Variants in PPFIA2 observed in about 807,000 individuals in gnomAD.
PPFIA2 encodes the protein liprin-alpha-2.
PPFIA2 carries 46 observed loss-of-function variants against 175.5 expected under a neutral mutation model. The ratio of observed to expected loss-of-function variants is 0.26; its 90% confidence interval spans 0.21 to 0.34. The LOEUF (loss-of-function observed/expected upper bound fraction) is 0.34, where lower values mean the gene tolerates loss of function less well. Among genes scored for constraint, PPFIA2 ranks in the 10% least tolerant of loss-of-function variants. The pLI is 1.00. For synonymous variants in PPFIA2, 568 were observed against 511.4 expected, an observed-to-expected ratio of 1.11 and a Z score of -1.49; for missense variants, 1,179 against 1,506.1, an observed-to-expected ratio of 0.78 and a Z score of 3.60.
At chr12:81,723,074 G>T (rs1183018467) in intron 3 of PPFIA2, among the ~76,000 whole-genome samples, 2 of 150,914 alleles carry the variant, frequency 1.3e-5, no homozygotes, top group African/African-American at 2.4e-5. Context: ...AAGTCTAAAG[G>T]CACAAGTGCA....
chr12:81,310,915 G>A (rs2050610301), intron 22 of PPFIA2, among the ~76,000 whole-genome samples: 1 of 152,072 alleles, frequency 6.6e-6, no homozygotes, highest in African/African-American at 2.4e-5. Flanking sequence ...ACAAGAATTT[G>A]TACTGGCATA....
intron 23 of PPFIA2, 25 bp from the exon 24 acceptor site, chr12:81,295,060 A>T: frequency 6.3e-7 from 1 of 1,587,730 alleles, no homozygotes; most frequent in Non-Finnish European, 8.6e-7. Flanking sequence ...AAAATACACT[A>T]ACAAATTATA....
At position 81,367,153 on chromosome 12, in the gene PPFIA2, T is replaced by C; in HGVS notation, c.1500A>G (p.Glu500=). The C allele has an allele frequency of 1.4e-6, 2 of 1,424,918 alleles. No individual in the cohort carries two copies. Among genetic ancestry groups the C allele is most frequent in the Admixed American group, 2.7e-5 (1 of 37,104 alleles). The allele number at this position is 1,424,918 out of a possible 1,614,324, so 88.3% of individuals were successfully genotyped here. The change falls in exon 14 of 33, where the codon GAA becomes GAG. Residue 500 remains glutamate (E), a synonymous_variant. Coordinates refer to ENST00000549396, the MANE Select transcript of PPFIA2 (RefSeq NM_003625.5). ...CAAGATTCTTTCTGAAAGTTTCTGATTCTTGAATTAAAACATTCTAAAGAA... is the reference window on the plus strand; with the variant it reads ...CAAGATTCTTTCTGAAAGTTTCTGACTCTTGAATTAAAACATTCTAAAGAA... ...ALEEKNVLIQ[E]SETFRKNLEE...
intron 22 of PPFIA2, chr12:81,312,018 A>G: frequency 1.4e-6 from 1 of 740,104 alleles, no homozygotes; most frequent in Non-Finnish European, 2.2e-6. Flanking sequence ...CTGTGTGGAA[A>G]TAAATATGCT....
intron 4 of PPFIA2, among the ~76,000 whole-genome samples, chr12:81,615,804 A>G (rs1382489704): frequency 6.6e-6 from 1 of 152,190 alleles, no homozygotes; most frequent in South Asian, 2.1e-4. Context: ...AGAAATGGGC[A>G]GCCCCTGGCA....
chr12:81,699,930 T>C (rs995280261), intron 3 of PPFIA2, among the ~76,000 whole-genome samples: 10 of 152,078 alleles, frequency 6.6e-5, no homozygotes, highest in Admixed American at 6.6e-4. Context: ...CCTTAATATA[T>C]TGCTAAATAA....
intron 4 of PPFIA2, among the ~76,000 whole-genome samples, chr12:81,540,601 T>C (rs901312976): frequency 6.6e-6 from 1 of 152,022 alleles, no homozygotes; most frequent in Non-Finnish European, 1.5e-5. Context: ...TAAATGTAGC[T>C]CTTTAGGAGT....
At chr12:81,533,735 C>CTATCTATCTATA (rs951462126) in intron 4 of PPFIA2, among the ~76,000 whole-genome samples, 821 of 73,582 alleles carry the variant, frequency 0.011, 9 homozygotes, top group East Asian at 0.042. Flanking sequence ...ATCTATCTAT[C>CTATCTATCTATA]TATATATCTA....
intron 4 of PPFIA2, among the ~76,000 whole-genome samples, chr12:81,470,720 G>A (rs1301999600): frequency 2.0e-5 from 3 of 152,048 alleles, no homozygotes; most frequent in Non-Finnish European, 4.4e-5. Context: ...CTTTTTTGTT[G>A]TTTTATTTCA....
rs377519664 is a variant in PPFIA2, at chr12:81,362,450, T to A, written c.1637+243A>T. 4.0e-5 allele frequency among the ~76,000 whole-genome samples: 6 copies of A among 151,442 alleles called. No homozygotes were observed. The East Asian group carries it at 7.7e-4, about 20-fold the overall frequency. On this transcript the variant is annotated intron_variant, in intron 15 of 32. Transcript: ENST00000549396. ...GAATCTTTTAATATATTTATATATA[T>A]AATGAAATGCAGAATACAAAAGTTA... is the stretch of plus-strand genomic sequence containing the variant.
At chr12:81,434,581 C>A (rs1002502561) in intron 7 of PPFIA2, among the ~76,000 whole-genome samples, 1 of 151,974 alleles carries the variant, frequency 6.6e-6, no homozygotes, top group Non-Finnish European at 1.5e-5. Context: ...AGAGTTAAGA[C>A]AAATTCAAAG....
chr12:81,640,785 C>A (rs2064859682), intron 4 of PPFIA2, among the ~76,000 whole-genome samples: 1 of 152,016 alleles, frequency 6.6e-6, no homozygotes, highest in Non-Finnish European at 1.5e-5. Flanking sequence ...GCCCCTAGAA[C>A]ATTAAGTACA....
At chr12:81,278,582 C>T (rs2041218965) in intron 27 of PPFIA2, among the ~76,000 whole-genome samples, 1 of 151,030 alleles carries the variant, frequency 6.6e-6, no homozygotes, top group African/African-American at 2.4e-5. Context: ...AAAGTAATCT[C>T]ATAGCAAAAT....
chr12:81,719,319 T>A lies in PPFIA2; in HGVS notation c.249+34654A>T, dbSNP rs190873982. On this transcript the variant is annotated intron_variant, in intron 3 of 32. Coordinates refer to ENST00000549396, the MANE Select transcript of PPFIA2 (RefSeq NM_003625.5). ...TGTTCCAATGCAAAGCCATATCTTG[T>A]TTTCTTGAAAGAGAATTTCTTACAT... Among the ~76,000 whole-genome samples the A allele has an allele frequency of 5.0e-3, 753 of 151,700 alleles. 13 individuals are homozygous for A. The highest frequency in any genetic ancestry group is 3.1e-3 in the Non-Finnish European group (213 of 67,692).
chr12:81,705,751 T>C (rs1386762301), intron 3 of PPFIA2, among the ~76,000 whole-genome samples: 1 of 152,208 alleles, frequency 6.6e-6, no homozygotes, highest in Non-Finnish European at 1.5e-5. Context: ...TTTGTCATGA[T>C]GCATGACTGT....
intron 4 of PPFIA2, among the ~76,000 whole-genome samples, chr12:81,528,129 C>A (rs1002532603): frequency 4.4e-5 from 5 of 112,592 alleles, no homozygotes; most frequent in Non-Finnish European, 8.7e-5. Flanking sequence ...AGTACCTACC[C>A]CTTAGCAGAT....
chr12:81,533,540 C>T (rs1315399734), intron 4 of PPFIA2, among the ~76,000 whole-genome samples: 2 of 151,374 alleles, frequency 1.3e-5, no homozygotes, highest in South Asian at 2.1e-4. Flanking sequence ...TTTGAAAATT[C>T]GTGAATTTTG....
intron 3 of PPFIA2, among the ~76,000 whole-genome samples, chr12:81,713,674 T>C (rs188255818): frequency 2.0e-5 from 3 of 151,244 alleles, no homozygotes; most frequent in African/African-American, 2.4e-5. Context: ...TGGTGTCTCA[T>C]AGGCTTGCTA....
chr12:81,581,109 G>C (rs1316895860), intron 4 of PPFIA2, among the ~76,000 whole-genome samples: 3 of 150,056 alleles, frequency 2.0e-5, no homozygotes, highest in African/African-American at 7.3e-5. Context: ...CAGAAAGAAA[G>C]TGTTAGAAGA....
Sources: allele counts gnomAD v4.1 joint callset (sites outside exome capture counted in the v4.1 genomes callset), GRCh38; gene constraint gnomAD v4.1.1; transcripts MANE v1.5; gene names NCBI Gene and HGNC (gene_info 2026-07-23, HGNC 2026-07-21).